ROBO2: variants seen among roughly 807,000 people sequenced by gnomAD.
ROBO2 encodes the protein roundabout homolog 2.
A neutral mutation model predicts 160.8 loss-of-function variants in ROBO2; 53 were observed. The ratio of observed to expected loss-of-function variants is 0.33; its 90% confidence interval spans 0.26 to 0.41. ROBO2 has a LOEUF of 0.41. Ranked by LOEUF, ROBO2 falls within the 10% of genes least tolerant of loss-of-function variation. The probability of loss-of-function intolerance (pLI) is 1.00; values close to 1 mark genes in which losing one functional copy is unlikely to be tolerated. For synonymous variants in ROBO2, 664 were observed against 611.7 expected (o/e 1.09, Z -1.26); for missense variants, 1,577 against 1,722.4 (o/e 0.92, Z 1.49).
intron 2 of ROBO2, among the ~76,000 whole-genome samples, chr3:76,316,269 G>A (rs2072017504): frequency 6.6e-6 from 1 of 152,142 alleles, no homozygotes; most frequent in Admixed American, 6.5e-5. Context: ...GCGTATCTCA[G>A]TCCTTATCTC....
chr3:75,921,784 G>T (rs1175081905), intron 1 of ROBO2, among the ~76,000 whole-genome samples: 1 of 152,104 alleles, frequency 6.6e-6, no homozygotes, highest in Non-Finnish European at 1.5e-5. Context: ...CATTAAACAT[G>T]TTTCTAAGCA....
At chr3:77,633,581 GA>G (rs1204672071) in intron 23 of ROBO2, 1 of 152,038 alleles carries the variant, frequency 6.6e-6, no homozygotes, top group African/African-American at 2.4e-5. Context: ...AAATAGTAAA[GA>G]AAAAAGATTT....
intron 2 of ROBO2, among the ~76,000 whole-genome samples, chr3:76,574,162 AT>A (rs1159543919): frequency 1.3e-5 from 2 of 152,150 alleles, no homozygotes; most frequent in African/African-American, 2.4e-5. Flanking sequence ...AGAATTAAGC[AT>A]GAAAAACTAT....
intron 2 of ROBO2, among the ~76,000 whole-genome samples, chr3:76,392,918 A>G (rs2077227075): frequency 6.6e-6 from 1 of 152,174 alleles, no homozygotes; most frequent in South Asian, 2.1e-4. Flanking sequence ...ACTGTCTAGA[A>G]TAATTACACT....
intron 2 of ROBO2, among the ~76,000 whole-genome samples, chr3:77,207,506 C>T (rs2083587150): frequency 6.6e-6 from 1 of 152,112 alleles, no homozygotes; most frequent in Admixed American, 6.6e-5. Context: ...GTTCACTTAG[C>T]CATCATTTTA....
At chr3:76,405,992 T>C (rs2078103367) in intron 2 of ROBO2, among the ~76,000 whole-genome samples, 1 of 151,750 alleles carries the variant, frequency 6.6e-6, no homozygotes, top group Non-Finnish European at 1.5e-5. Context: ...TATAAGCTTT[T>C]TAATAATGAG....
chr3:76,193,741 ATGT>A (rs2107196079), intron 2 of ROBO2, among the ~76,000 whole-genome samples: 1 of 152,334 alleles, frequency 6.6e-6, no homozygotes, highest in African/African-American at 2.4e-5. Context: ...TTCCTAGAAA[ATGT>A]TGTGTGAATA....
At chr3:77,062,873 A>G (rs955822142) in intron 1 of ROBO2, among the ~76,000 whole-genome samples, 5 of 152,148 alleles carry the variant, frequency 3.3e-5, no homozygotes, top group African/African-American at 1.2e-4. Context: ...TCAGTTTGCT[A>G]TTTACATTGT....
At chr3:77,026,217 C>T (rs548356212) in intron 2 of ROBO2, among the ~76,000 whole-genome samples, 19 of 152,154 alleles carry the variant, frequency 1.2e-4, no homozygotes, top group African/African-American at 4.1e-4. Context: ...AAATTTTGAC[C>T]TTTGTGATAT....
intron 2 of ROBO2, among the ~76,000 whole-genome samples, chr3:77,463,725 C>T (rs1050584818): frequency 7.9e-5 from 12 of 151,958 alleles, no homozygotes; most frequent in East Asian, 1.9e-4. Context: ...TGACTACAGG[C>T]GCACACCATT....
At chr3:76,060,628 A>G (rs2068041868) in intron 2 of ROBO2, among the ~76,000 whole-genome samples, 2 of 152,220 alleles carry the variant, frequency 1.3e-5, no homozygotes, top group Non-Finnish European at 2.9e-5. Flanking sequence ...AAGTATAAAT[A>G]TAATCTGACT....
chr3:76,102,307 A>G (rs532488549), intron 2 of ROBO2, among the ~76,000 whole-genome samples: 1 of 152,210 alleles, frequency 6.6e-6, no homozygotes, highest in South Asian at 2.1e-4. Context: ...GATATACTGG[A>G]CTATTTTATT....
chr3:76,296,227 G>T (rs1709067808), intron 2 of ROBO2, among the ~76,000 whole-genome samples: 1 of 152,058 alleles, frequency 6.6e-6, no homozygotes, highest in Non-Finnish European at 1.5e-5. Context: ...ACCACTGGAA[G>T]TAGAAAGGAT....
intron 2 of ROBO2, among the ~76,000 whole-genome samples, chr3:76,033,106 A>G (rs1278672491): frequency 6.6e-6 from 1 of 152,138 alleles, no homozygotes; most frequent in Non-Finnish European, 1.5e-5. Context: ...AACAGCAAAA[A>G]AAAAAAATGG....
intron 2 of ROBO2, among the ~76,000 whole-genome samples, chr3:76,715,668 G>A (rs776176924): frequency 6.6e-6 from 1 of 152,300 alleles, no homozygotes; most frequent in East Asian, 1.9e-4. Flanking sequence ...TCAGAGCCAT[G>A]AGAATGAAAG....
intron 2 of ROBO2, among the ~76,000 whole-genome samples, chr3:76,096,943 ACT>A (rs1342084618): frequency 6.6e-6 from 1 of 151,832 alleles, no homozygotes. Flanking sequence ...GACTGACAAA[ACT>A]CTCTGTCTTT....
At chr3:77,174,852 A>G (rs2150775935) in intron 2 of ROBO2, among the ~76,000 whole-genome samples, 1 of 152,186 alleles carries the variant, frequency 6.6e-6, no homozygotes, top group South Asian at 2.1e-4. Context: ...TTTCATGGAG[A>G]AAAGGAATTA....
intron 2 of ROBO2, among the ~76,000 whole-genome samples, chr3:75,957,376 A>G (rs762750377): frequency 2.6e-5 from 4 of 151,788 alleles, no homozygotes; most frequent in South Asian, 2.1e-4. Flanking sequence ...GGCCTAAAAT[A>G]TAACTCATTT....
At chr3:75,999,521 G>A (rs1354857788) in intron 2 of ROBO2, among the ~76,000 whole-genome samples, 1 of 151,994 alleles carries the variant, frequency 6.6e-6, no homozygotes, top group East Asian at 1.9e-4. Context: ...CTTAGCCATA[G>A]GAGTTTAATA....
Sources: allele counts gnomAD v4.1 joint callset (sites outside exome capture counted in the v4.1 genomes callset), GRCh38; gene constraint gnomAD v4.1.1; transcripts MANE v1.5; gene names NCBI Gene and HGNC (gene_info 2026-07-23, HGNC 2026-07-21).